PTPRZ1: variants seen among roughly 807,000 people sequenced by gnomAD.
The protein encoded by PTPRZ1 is protein tyrosine phosphatase receptor type Z1, also known as receptor-type tyrosine-protein phosphatase zeta.
Under a neutral mutation model 214.1 loss-of-function variants are expected in PTPRZ1, and 82 were observed. The ratio of observed to expected loss-of-function variants is 0.38; its 90% CI spans 0.32 to 0.46. The LOEUF (loss-of-function observed/expected upper bound fraction) is 0.46. Ranked by LOEUF, PTPRZ1 falls within the 20% of genes least tolerant of loss-of-function variation. The pLI is 1.00. For missense variants in PTPRZ1, 2,603 were observed against 2,748.7 expected (o/e 0.95, Z 1.19); for synonymous variants, 945 against 987.9 (o/e 0.96, Z 0.81).
At chr7:121,891,504 A>G (rs1437869806) in intron 1 of PTPRZ1, among the ~76,000 whole-genome samples, 2 of 48,674 alleles carry the variant, frequency 4.1e-5, no homozygotes, top group Admixed American at 2.8e-4. Flanking sequence ...CTTGAATCCT[A>G]TTTTGGCTGA....
chr7:121,881,326 C>G (rs912237870), intron 1 of PTPRZ1, among the ~76,000 whole-genome samples: 1 of 152,206 alleles, frequency 6.6e-6, no homozygotes, highest in African/African-American at 2.4e-5. Context: ...GTTAGCCACC[C>G]AGTAAATGGT....
intron 1 of PTPRZ1, among the ~76,000 whole-genome samples, chr7:121,892,694 A>G (rs1794675069): frequency 3.4e-5 from 1 of 29,422 alleles, no homozygotes; most frequent in Non-Finnish European, 6.6e-5. Flanking sequence ...ATATATATAT[A>G]TATATATATA....
At chr7:122,007,858 G>C (rs1018683980) in intron 11 of PTPRZ1, among the ~76,000 whole-genome samples, 1 of 152,076 alleles carries the variant, frequency 6.6e-6, no homozygotes, top group African/African-American at 2.4e-5. Context: ...AATATTTGTA[G>C]TCAGATATGA....
chr7:121,909,313 G>A (rs998810821), intron 1 of PTPRZ1, among the ~76,000 whole-genome samples: 1 of 152,104 alleles, frequency 6.6e-6, no homozygotes, highest in Non-Finnish European at 1.5e-5. Context: ...CAGTGAAACA[G>A]CAATCAAAAT....
At chr7:121,878,968 G>A (rs762507737) in intron 1 of PTPRZ1, among the ~76,000 whole-genome samples, 4 of 152,054 alleles carry the variant, frequency 2.6e-5, no homozygotes, top group Non-Finnish European at 5.9e-5. Flanking sequence ...ATCTCAGTCC[G>A]GGAGTAAGGT....
chr7:121,892,496 A>C (rs1794663628), intron 1 of PTPRZ1, among the ~76,000 whole-genome samples: 1 of 151,858 alleles, frequency 6.6e-6, no homozygotes, highest in African/African-American at 2.4e-5. Context: ...TTGAGGTATT[A>C]GACCATAAGA....
chr7:122,023,817 A>G (rs1285573657), intron 13 of PTPRZ1, among the ~76,000 whole-genome samples: 1 of 128,606 alleles, frequency 7.8e-6, no homozygotes, highest in Non-Finnish European at 1.6e-5. Flanking sequence ...ATTATATATT[A>G]TATGTATAAT....
chr7:122,036,102 T>G (rs549602166), intron 17 of PTPRZ1, among the ~76,000 whole-genome samples: 18 of 152,294 alleles, frequency 1.2e-4, no homozygotes, highest in African/African-American at 4.1e-4. Flanking sequence ...AGAAACTTCC[T>G]AGGGAACCTT....
intron 2 of PTPRZ1, among the ~76,000 whole-genome samples, chr7:121,943,478 G>C (rs1455223264): frequency 6.6e-6 from 1 of 152,056 alleles, no homozygotes; most frequent in African/African-American, 2.4e-5. Flanking sequence ...TGGGACTACA[G>C]GTGCCCGCCA....
In PTPRZ1 at chr7:121,891,451, CTTTTTTTTTTTTTTTT is replaced by C. The variant is rs58135453; in HGVS notation, c.58+17909_58+17924del. ...AAATATTTGTTGAATAAAACAACCT[CTTTTTTTTTTTTTTTT>C]TTTTTTTTTTTTTTAGTTTGATTTT... On this transcript the variant is annotated intron_variant, in intron 1 of 29. Coordinates refer to ENST00000393386, the MANE Select transcript of PTPRZ1 (RefSeq NM_002851.3). 9.2e-3 allele frequency among the ~76,000 whole-genome samples: 328 copies of C among 35,786 alleles called. 3 individuals carry two copies. Among genetic ancestry groups the C allele is most frequent in the African/African-American group, 0.036 (316 of 8,802 alleles). The allele number at this position is 35,786 out of a possible 152,430, so 23.5% of individuals were successfully genotyped here.
At chr7:121,894,922 T>C (rs925191186) in intron 1 of PTPRZ1, among the ~76,000 whole-genome samples, 2 of 152,174 alleles carry the variant, frequency 1.3e-5, no homozygotes, top group Admixed American at 6.5e-5. Context: ...GTGGATAGAT[T>C]TTAAAAGTGA....
At chr7:122,015,788 A>C (rs1311707087) in intron 12 of PTPRZ1, among the ~76,000 whole-genome samples, 1 of 152,042 alleles carries the variant, frequency 6.6e-6, no homozygotes, top group Non-Finnish European at 1.5e-5. Flanking sequence ...GTTTTATTTA[A>C]TTATCAAGAG....
At chr7:122,036,072 T>C (rs1799523821) in intron 17 of PTPRZ1, among the ~76,000 whole-genome samples, 1 of 152,224 alleles carries the variant, frequency 6.6e-6, no homozygotes, top group Non-Finnish European at 1.5e-5. Flanking sequence ...CTGAAAGAGC[T>C]GTTTGCTGTA....
Position 122,012,485 on chromosome 7 carries a change from A to C in PTPRZ1, c.3439A>C (p.Asn1147His). 2 of 1,614,070 alleles carry C rather than the reference A, an allele frequency of 1.2e-6. No individual in the cohort carries two copies. Among genetic ancestry groups the C allele is most frequent in the Non-Finnish European group, 8.5e-7 (1 of 1,179,972 alleles). Reference protein sequence around the residue: ...DTSLKPVLSANSEPASSDPAS... With the variant: ...DTSLKPVLSAHSEPASSDPAS... ...TTCGCTTAAACCTGTGCTTAGTGCA[A>C]ACTCAGAGCCAGCATCCTCTGACCC... The change falls in exon 12 of 30, where the codon AAC becomes CAC. Residue 1147 changes from asparagine (N) to histidine (H), a missense_variant. Physicochemically the swap from Asn to His is moderately conservative, Grantham distance 68. Coordinates refer to ENST00000393386, the MANE Select transcript of PTPRZ1 (RefSeq NM_002851.3).
At chr7:121,968,647 TAA>T (rs66475771) in intron 3 of PTPRZ1, among the ~76,000 whole-genome samples, 1 of 148,950 alleles carries the variant, frequency 6.7e-6, no homozygotes, top group Admixed American at 6.7e-5. Context: ...TTTTTTTTTT[TAA>T]AAAAAAGCAA....
rs538806142 is a variant in PTPRZ1, at chr7:122,038,182, T to C, written c.5368-573T>C. Among the ~76,000 whole-genome samples the C allele has an allele frequency of 7.2e-5, 11 of 152,284 alleles. No homozygotes were observed. In the South Asian group the frequency reaches 2.3e-3, roughly 32 times the overall value. ...TTCCTCCCACAACACACAGGAATTATGGAAACTACAATTTAAGATGAGATT... is the reference window on the plus strand; with the variant it reads ...TTCCTCCCACAACACACAGGAATTACGGAAACTACAATTTAAGATGAGATT... On this transcript the variant is annotated intron_variant, in intron 18 of 29. Coordinates refer to ENST00000393386, the MANE Select transcript of PTPRZ1 (RefSeq NM_002851.3).
intron 8 of PTPRZ1, 64 bp from the exon 9 acceptor site, chr7:121,996,318 G>A (rs1395344446): frequency 2.6e-6 from 3 of 1,174,092 alleles, no homozygotes; most frequent in East Asian, 2.6e-5. Flanking sequence ...TATAGAATAT[G>A]TTTTATTTAT....
chr7:121,873,416 A>T lies in PTPRZ1; in HGVS notation c.-84A>T, dbSNP rs1793944200. The stretch of plus-strand genomic sequence containing the variant: ...CTGGAGGATTAAAACAAACAAACAA[A>T]AAAAACATTTCCTTCGCTCCCCCTC... On this transcript the variant is annotated 5_prime_UTR_variant, in exon 1 of 30. Coordinates refer to ENST00000393386, the MANE Select transcript of PTPRZ1 (RefSeq NM_002851.3). The T allele has an allele frequency of 7.0e-7, 1 of 1,433,378 alleles. No homozygotes were observed. 88.8% of individuals were successfully genotyped at this position (1,433,378 alleles called of 1,614,324 possible). A position where few individuals can be genotyped will look rare whatever the true frequency, so the allele number is the denominator to read the frequency against.
intron 15 of PTPRZ1, chr7:122,032,134 A>G (rs1799398010): frequency 6.6e-6 from 1 of 152,188 alleles, no homozygotes; most frequent in South Asian, 2.1e-4. Flanking sequence ...AATTTACTGC[A>G]AATTTATCAT....
Sources: allele counts gnomAD v4.1 joint callset (sites outside exome capture counted in the v4.1 genomes callset), GRCh38; gene constraint gnomAD v4.1.1; transcripts MANE v1.5; gene names NCBI Gene and HGNC (gene_info 2026-07-23, HGNC 2026-07-21).